Variants in MMP20 observed in about 807,000 individuals in gnomAD.
MMP20 encodes matrix metallopeptidase 20, also known as matrix metalloproteinase-20.
In MMP20, 50 loss-of-function variants were observed where a neutral mutation model predicts 51.8. The ratio of observed to expected loss-of-function variants is 0.97; its 90% confidence interval spans 0.77 to 1.22. MMP20 has a LOEUF of 1.22. Among genes scored for constraint, MMP20 ranks in the 50% most tolerant of loss-of-function variants. The pLI is 0.00. For synonymous variants in MMP20, 244 were observed against 216.2 expected, an observed-to-expected ratio of 1.13 and a Z score of -1.13; for missense variants, 663 against 601.4, an observed-to-expected ratio of 1.10 and a Z score of -1.07.
At chr11:102,588,437 T>A (rs977157360) in intron 8 of MMP20, among the ~76,000 whole-genome samples, 1 of 152,150 alleles carries the variant, frequency 6.6e-6, no homozygotes, top group Non-Finnish European at 1.5e-5. Flanking sequence ...GTTCTGTTCT[T>A]TTGTTCCTGT....
At chr11:102,621,261 T>C (rs1253801893) in intron 1 of MMP20, among the ~76,000 whole-genome samples, 1 of 152,220 alleles carries the variant, frequency 6.6e-6, no homozygotes, top group African/African-American at 2.4e-5. Flanking sequence ...CAAGTGGAAA[T>C]GTACGCCTGC....
At position 102,593,577 on chromosome 11, in the gene MMP20, G is replaced by A. The variant is rs763349241; in HGVS notation, c.1109C>T (p.Thr370Ile). The A allele has an allele frequency of 1.9e-6, 3 of 1,614,112 alleles. No individual in the cohort carries two copies. The South Asian group carries it at 3.3e-5, about 18-fold the overall frequency. The change falls in exon 8 of 10, where the codon ACA becomes ATA. Residue 370 changes from threonine (T) to isoleucine (I), a missense_variant. Coordinates refer to ENST00000260228, the MANE Select transcript of MMP20 (RefSeq NM_004771.4). The stretch of plus-strand genomic sequence containing the variant: ...AGGACCTTGCATTTGGAATCCTCTT[G>A]TTATCCAGTAGTGGGGACCTGAAAA... The part of the protein sequence containing the change: ...YFFKGPHYWI[T>I]RGFQMQGPPR...
At chr11:102,606,472 A>G in intron 6 of MMP20, 63 bp downstream of exon 6, 1 of 1,606,542 alleles carries the variant, frequency 6.2e-7, no homozygotes, top group Non-Finnish European at 8.5e-7. Flanking sequence ...GACCTGTGGG[A>G]CGACGTTTGT....
intron 2 of MMP20, among the ~76,000 whole-genome samples, chr11:102,614,150 A>G (rs1456024445): frequency 1.3e-5 from 2 of 152,246 alleles, no homozygotes; most frequent in African/African-American, 4.8e-5. Flanking sequence ...GAAGATCATC[A>G]TCATCATCTA....
chr11:102,593,700 T>C, intron 7 of MMP20, 105 bp from the exon 8 acceptor site: 3 of 1,258,256 alleles, frequency 2.4e-6, no homozygotes, highest in Admixed American at 1.7e-5. Context: ...GTTTATGGGA[T>C]ACTTGCCATG....
intron 1 of MMP20, among the ~76,000 whole-genome samples, chr11:102,621,809 A>G (rs940470130): frequency 6.6e-6 from 1 of 152,228 alleles, no homozygotes; most frequent in Non-Finnish European, 1.5e-5. Context: ...TTAGAAAAGT[A>G]AAAACCACAT....
chr11:102,605,505 C>T (rs1859503667), intron 6 of MMP20: 1 of 151,856 alleles, frequency 6.6e-6, no homozygotes, highest in African/African-American at 2.4e-5. Context: ...AGGAACATCA[C>T]ATTTCTCAAA....
chr11:102,623,217 T>C (rs954519203), intron 1 of MMP20, among the ~76,000 whole-genome samples: 2 of 152,156 alleles, frequency 1.3e-5, no homozygotes, highest in African/African-American at 4.8e-5. Context: ...CCTGACCAGC[T>C]AGAATAGCAA....
chr11:102,610,373 G>A (rs904821028), intron 3 of MMP20, among the ~76,000 whole-genome samples: 2 of 151,942 alleles, frequency 1.3e-5, no homozygotes, highest in Non-Finnish European at 2.9e-5. Context: ...GGGGCGGGGC[G>A]GCGGGGGGGC....
chr11:102,591,467 T>C (rs1214302219), intron 8 of MMP20, among the ~76,000 whole-genome samples: 1 of 152,252 alleles, frequency 6.6e-6, no homozygotes, highest in East Asian at 1.9e-4. Flanking sequence ...AGTTACCATA[T>C]AAGTTCTGTT....
In MMP20 at chr11:102,580,849, C is replaced by T. The variant is rs546903794; in HGVS notation, c.1248-1707G>A. ...TAAACTGAGAATAAAAGATGGTTCT[C>T]GCCAATAATCTGTTTTTATGCTGAC... On this transcript the variant is annotated intron_variant, in intron 8 of 9. Coordinates refer to ENST00000260228, the MANE Select transcript of MMP20 (RefSeq NM_004771.4). Among the ~76,000 whole-genome samples, 42 of 152,274 alleles carry T rather than the reference C, an allele frequency of 2.8e-4. 2 individuals carry two copies. The highest frequency in any genetic ancestry group is 2.1e-3 in the Admixed American group (32 of 15,294).
chr11:102,603,044 C>T (rs924725103), intron 6 of MMP20, among the ~76,000 whole-genome samples: 7 of 152,188 alleles, frequency 4.6e-5, no homozygotes, highest in Non-Finnish European at 8.8e-5. Context: ...TCTCTTCACA[C>T]AGAACATTTG....
intron 6 of MMP20, among the ~76,000 whole-genome samples, chr11:102,601,446 C>T (rs1317396988): frequency 1.3e-5 from 2 of 152,058 alleles, no homozygotes; most frequent in Non-Finnish European, 2.9e-5. Flanking sequence ...CTATTCTTAT[C>T]GTTATTATTT....
intron 8 of MMP20, among the ~76,000 whole-genome samples, chr11:102,588,305 A>C (rs1015667415): frequency 6.6e-6 from 1 of 151,112 alleles, no homozygotes; most frequent in Non-Finnish European, 1.5e-5. Flanking sequence ...GAAGCCCCAA[A>C]TTAATTGTTA....
chr11:102,586,215 A>T (rs1423969464), intron 8 of MMP20, among the ~76,000 whole-genome samples: 1 of 152,188 alleles, frequency 6.6e-6, no homozygotes, highest in Non-Finnish European at 1.5e-5. Context: ...TTTGTAAAAA[A>T]ATTGACATTA....
chr11:102,595,928 T>C (rs1423283103), intron 6 of MMP20, among the ~76,000 whole-genome samples: 7 of 152,230 alleles, frequency 4.6e-5, no homozygotes, highest in African/African-American at 1.4e-4. Context: ...AATTTTGACA[T>C]TGAACTTTCC....
chr11:102,616,697 G>T, intron 2 of MMP20, 115 bp downstream of exon 2: 1 of 1,340,224 alleles, frequency 7.5e-7, no homozygotes, highest in Non-Finnish European at 1.0e-6. Flanking sequence ...TTATTCTTAT[G>T]GTTGTGAGGT....
At chr11:102,619,131 T>C (rs1055997816) in intron 1 of MMP20, among the ~76,000 whole-genome samples, 10 of 150,760 alleles carry the variant, frequency 6.6e-5, no homozygotes, top group Non-Finnish European at 3.0e-5. Flanking sequence ...ATGTTTCTCA[T>C]CTTTTTTTTT....
At chr11:102,580,314 G>C (rs1409719040) in intron 8 of MMP20, among the ~76,000 whole-genome samples, 1 of 152,206 alleles carries the variant, frequency 6.6e-6, no homozygotes, top group African/African-American at 2.4e-5. Context: ...CATTAGCACA[G>C]AGTTCCAAAT....
Sources: allele counts gnomAD v4.1 joint callset (sites outside exome capture counted in the v4.1 genomes callset), GRCh38; gene constraint gnomAD v4.1.1; transcripts MANE v1.5; gene names NCBI Gene and HGNC (gene_info 2026-07-23, HGNC 2026-07-21).